NCKAP5: variants seen among roughly 807,000 people sequenced by gnomAD.
NCKAP5 encodes NCK associated protein 5.
NCKAP5 carries 92 observed loss-of-function variants against 167.0 expected under a neutral mutation model. The observed-to-expected ratio is 0.55, with a 90% confidence interval of 0.47 to 0.66. NCKAP5 has a LOEUF of 0.66. Among genes scored for constraint, NCKAP5 ranks in the 30% least tolerant of loss-of-function variants. NCKAP5 has a pLI of 0.00. For missense variants in NCKAP5, 2,378 were observed against 2,315.0 expected (o/e 1.03, Z -0.56); for synonymous variants, 891 against 877.4 (o/e 1.02, Z -0.27).
At chr2:132,719,248 A>T (rs1178299189) in intron 19 of NCKAP5, among the ~76,000 whole-genome samples, 2 of 152,186 alleles carry the variant, frequency 1.3e-5, no homozygotes, top group African/African-American at 4.8e-5. Flanking sequence ...AGAGGAGGTG[A>T]TTGGATTTAA....
intron 11 of NCKAP5, among the ~76,000 whole-genome samples, chr2:132,811,388 T>TG (rs1304584708): frequency 6.6e-6 from 1 of 151,852 alleles, no homozygotes; most frequent in Non-Finnish European, 1.5e-5. Context: ...GACCATCAAG[T>TG]GGGGGTGGGG....
the NCKAP5 span, among the ~76,000 whole-genome samples, chr2:133,577,944 C>T: frequency 6.6e-6 from 1 of 152,124 alleles, no homozygotes; most frequent in Non-Finnish European, 1.5e-5. Flanking sequence ...CATAGAAAAC[C>T]ACCTAAGACG....
At chr2:133,122,547 A>G (rs2082282088) in intron 6 of NCKAP5, 1 of 152,234 alleles carries the variant, frequency 6.6e-6, no homozygotes, top group African/African-American at 2.4e-5. Context: ...CAGAGCCAAG[A>G]GCAATCTTGG....
chr2:133,517,487 T>C lies in NCKAP5; in HGVS notation c.40A>G (p.Lys14Glu). 8 of 1,535,146 alleles carry C rather than the reference T, an allele frequency of 5.2e-6. No homozygotes were observed. Among genetic ancestry groups the C allele is most frequent in the Non-Finnish European group, 7.0e-6 (8 of 1,136,834 alleles). ...KRQLEKRDFG[K>E]RLSLDSSLVE... The stretch of plus-strand genomic sequence containing the variant: ...AGACTGCTGTCTAGAGACAGCCTTT[T>C]TCCAAAGTCCCTTTTCTCAAGCTGT... Residue 14 changes from lysine to glutamate, a missense_variant, in exon 3 of 20, where the codon AAA (lysine) becomes GAA (glutamate). By Grantham distance (56) the Lys-to-Glu change is moderately conservative. Around this residue, in one of 3 missense-constraint regions of NCKAP5, gnomAD observed 1,049 missense variants for 1,023.4 expected, o/e 1.02. Coordinates refer to ENST00000409261, the MANE Select transcript of NCKAP5 (RefSeq NM_207363.3).
chr2:133,652,690 C>A, the NCKAP5 span, among the ~76,000 whole-genome samples: 71 of 152,344 alleles, frequency 4.7e-4, no homozygotes, highest in South Asian at 1.2e-3. Flanking sequence ...ATAAGAAGCA[C>A]AGACAGGTCG....
chr2:133,418,814 C>T (rs947302142), intron 3 of NCKAP5, among the ~76,000 whole-genome samples: 1 of 152,068 alleles, frequency 6.6e-6, no homozygotes, highest in African/African-American at 2.4e-5. Context: ...TCTTAAAGAA[C>T]TTTTGAAATA....
intron 3 of NCKAP5, among the ~76,000 whole-genome samples, chr2:133,516,073 G>T (rs1170480923): frequency 1.3e-5 from 2 of 152,196 alleles, no homozygotes; most frequent in South Asian, 2.1e-4. Flanking sequence ...TGGGTTAAGA[G>T]AATCTTTCTT....
At chr2:132,942,684 C>T (rs1697389158) in intron 8 of NCKAP5, among the ~76,000 whole-genome samples, 1 of 152,146 alleles carries the variant, frequency 6.6e-6, no homozygotes, top group African/African-American at 2.4e-5. Context: ...TAAAATAATT[C>T]ATTATGGAAT....
At chr2:133,001,643 T>G (rs1327938316) in intron 6 of NCKAP5, among the ~76,000 whole-genome samples, 1 of 152,216 alleles carries the variant, frequency 6.6e-6, no homozygotes, top group Non-Finnish European at 1.5e-5. Context: ...TTGTAATCTT[T>G]TTCTACTGTG....
chr2:132,780,174 A>C (rs1032175423), intron 15 of NCKAP5, among the ~76,000 whole-genome samples: 1 of 152,156 alleles, frequency 6.6e-6, no homozygotes, highest in Non-Finnish European at 1.5e-5. Flanking sequence ...TTTTTTGAGA[A>C]GGAGTTTCGC....
At chr2:133,296,005 G>C (rs571302621) in intron 4 of NCKAP5, among the ~76,000 whole-genome samples, 129 of 152,204 alleles carry the variant, frequency 8.5e-4, no homozygotes, top group African/African-American at 3.0e-3. Flanking sequence ...CCCCTCCTTG[G>C]CTGGGGACCA....
intron 3 of NCKAP5, among the ~76,000 whole-genome samples, chr2:133,472,614 C>T (rs998413400): frequency 1.3e-5 from 2 of 152,088 alleles, no homozygotes; most frequent in Non-Finnish European, 2.9e-5. Context: ...GCCTTACCTC[C>T]CCAAACATTC....
intron 11 of NCKAP5, among the ~76,000 whole-genome samples, chr2:132,859,704 C>G (rs567667032): frequency 6.6e-6 from 1 of 152,174 alleles, no homozygotes; most frequent in Non-Finnish European, 1.5e-5. Flanking sequence ...TGTGAAACCT[C>G]GATGCAGTCT....
At chr2:133,515,487 GA>G (rs1683905359) in intron 3 of NCKAP5, among the ~76,000 whole-genome samples, 1 of 152,170 alleles carries the variant, frequency 6.6e-6, no homozygotes, top group African/African-American at 2.4e-5. Flanking sequence ...TCCTAAGCAT[GA>G]CACAGGGAGA....
At chr2:132,726,579 C>T (rs1423905948) in intron 18 of NCKAP5, among the ~76,000 whole-genome samples, 2 of 152,180 alleles carry the variant, frequency 1.3e-5, no homozygotes, top group Non-Finnish European at 2.9e-5. Flanking sequence ...CCTATTATTC[C>T]TCCCTAAGCC....
chr2:133,418,248 C>T (rs1469837174), intron 3 of NCKAP5, among the ~76,000 whole-genome samples: 5 of 152,144 alleles, frequency 3.3e-5, no homozygotes, highest in Non-Finnish European at 7.3e-5. Context: ...TTGACAAGTA[C>T]CTTGGGTGAT....
chr2:133,233,796 T>A lies in NCKAP5; in HGVS notation c.144-20017A>T, dbSNP rs2087265702. Among the ~76,000 whole-genome samples, 3 of 152,354 alleles carry A rather than the reference T, an allele frequency of 2.0e-5. No individual in the cohort carries two copies. In the South Asian group the frequency reaches 6.2e-4, roughly 32 times the overall value. On this transcript the variant is annotated intron_variant, in intron 4 of 19. Transcript: ENST00000409261. The stretch of plus-strand genomic sequence containing the variant: ...AATCCATACAAATCTCTTCTTTTTA[T>A]AGATGAGGAATCAGAACTTCCAACT...
chr2:133,469,109 T>C (rs1373752132), intron 3 of NCKAP5, among the ~76,000 whole-genome samples: 5 of 152,194 alleles, frequency 3.3e-5, no homozygotes, highest in Admixed American at 6.5e-5. Flanking sequence ...CTAGTCTCGA[T>C]GGTCTTTACG....
chr2:133,298,103 T>C (rs576978818), intron 4 of NCKAP5, among the ~76,000 whole-genome samples: 1 of 152,344 alleles, frequency 6.6e-6, no homozygotes, highest in African/African-American at 2.4e-5. Flanking sequence ...CTAAAAACAA[T>C]TTGGCTACAG....
Sources: gnomAD v4.1 joint callset for allele counts (sites outside exome capture counted in the v4.1 genomes callset) on GRCh38, gnomAD v4.1.1 for gene constraint, gnomAD v4.1.1 regional missense constraint, MANE v1.5 for transcripts, NCBI Gene and HGNC (gene_info 2026-07-23, HGNC 2026-07-21) for gene names.